Variants in ZBTB40 observed in about 807,000 individuals in gnomAD.
The protein encoded by ZBTB40 is zinc finger and BTB domain containing 40.
In ZBTB40, 60 loss-of-function variants were observed where a neutral mutation model predicts 117.5. The ratio of observed to expected loss-of-function variants is 0.51; its 90% CI spans 0.41 to 0.63. The LOEUF is 0.63. Ranked by LOEUF, ZBTB40 falls within the 30% of genes least tolerant of loss-of-function variation. The pLI is 0.00. For missense variants in ZBTB40, 1,287 were observed against 1,498.5 expected (o/e 0.86, Z 2.33); for synonymous variants, 525 against 577.1 (o/e 0.91, Z 1.29).
chr1:22,518,928 A>C (rs2124468507), intron 13 of ZBTB40, among the ~76,000 whole-genome samples: 1 of 152,310 alleles, frequency 6.6e-6, no homozygotes, highest in Non-Finnish European at 1.5e-5. Context: ...TTCAGAAGGG[A>C]GAAGACCCAG....
At chr1:22,523,266 T>A (rs923141401) in intron 16 of ZBTB40, among the ~76,000 whole-genome samples, 22 of 152,154 alleles carry the variant, frequency 1.4e-4, no homozygotes, top group Non-Finnish European at 2.8e-4. Flanking sequence ...GTACCATTTT[T>A]AAGGAACTAT....
At chr1:22,506,338 A>G (rs772227801) in intron 6 of ZBTB40, 97 bp downstream of exon 6, 139 of 1,183,078 alleles carry the variant, frequency 1.2e-4, no homozygotes, top group Non-Finnish European at 1.6e-4. Context: ...AGATAAGATT[A>G]TGTTAAGAAA....
At chr1:22,476,842 GTACTTAATAACATAA>G (rs981145014) in intron 1 of ZBTB40, among the ~76,000 whole-genome samples, 2 of 152,154 alleles carry the variant, frequency 1.3e-5, no homozygotes, top group Non-Finnish European at 2.9e-5. Context: ...ATTCAGTTAA[GTACTTAATAACATAA>G]TTTAGGTTCC....
At chr1:22,455,334 C>G (rs984840442) in intron 1 of ZBTB40, among the ~76,000 whole-genome samples, 27 of 152,130 alleles carry the variant, frequency 1.8e-4, no homozygotes, top group African/African-American at 6.3e-4. Context: ...GGCTTTTTGA[C>G]TAAGTAAAAA....
intron 10 of ZBTB40, 32 bp downstream of exon 10, chr1:22,511,379 C>T (rs1639227876): frequency 6.2e-7 from 1 of 1,611,828 alleles, no homozygotes; most frequent in African/African-American, 1.3e-5. Flanking sequence ...AAGGGGGTTC[C>T]TATCAGCACA....
chr1:22,512,830 C>T (rs1349544063), intron 11 of ZBTB40, 94 bp from the exon 12 acceptor site: 3 of 1,442,086 alleles, frequency 2.1e-6, no homozygotes, highest in Non-Finnish European at 2.9e-6. Flanking sequence ...CTCTGGAGGC[C>T]TGGGCTGAGA....
At chr1:22,483,421 A>C (rs1392935292) in intron 1 of ZBTB40, among the ~76,000 whole-genome samples, 3 of 152,204 alleles carry the variant, frequency 2.0e-5, no homozygotes, top group Non-Finnish European at 4.4e-5. Context: ...CATTGAATGA[A>C]AGTTCCTGTT....
intron 1 of ZBTB40, among the ~76,000 whole-genome samples, chr1:22,435,637 A>G (rs766612177): frequency 6.6e-6 from 1 of 152,176 alleles, no homozygotes; most frequent in Non-Finnish European, 1.5e-5. Flanking sequence ...TTTTAGGAGA[A>G]ATGCACCAGG....
At chr1:22,526,023 T>A (rs1243764600) in intron 17 of ZBTB40, among the ~76,000 whole-genome samples, 179 bp from the exon 18 acceptor site, 1 of 152,244 alleles carries the variant, frequency 6.6e-6, no homozygotes, top group Non-Finnish European at 1.5e-5. Context: ...AATTGTTTGC[T>A]GGCCTTCTCT....
intron 1 of ZBTB40, among the ~76,000 whole-genome samples, chr1:22,437,662 T>A (rs1014310882): frequency 4.6e-5 from 7 of 151,864 alleles, no homozygotes; most frequent in Non-Finnish European, 7.4e-5. Context: ...TCAGGTGATT[T>A]GCCCCTCTCA....
intron 12 of ZBTB40, among the ~76,000 whole-genome samples, chr1:22,514,083 T>G (rs987046660): frequency 2.6e-5 from 4 of 152,064 alleles, no homozygotes; most frequent in Admixed American, 2.6e-4. Context: ...CAATGCAGAT[T>G]GTCAGCGGTA....
chr1:22,517,412 C>G lies in ZBTB40; in HGVS notation c.2781C>G (p.Gly927=). 1 of 1,614,200 alleles carries G rather than the reference C, an allele frequency of 6.2e-7. No individual in the cohort carries two copies. Among genetic ancestry groups the G allele is most frequent in the Non-Finnish European group, 8.5e-7 (1 of 1,180,046 alleles). ...GDKPYVCRDC[G]KGFRQANGLS... ...AGCCCTATGTCTGCAGAGACTGTGG[C>G]AAGGGCTTCCGGCAAGCCAATGGCC... The change falls in exon 13 of 18, where the codon GGC becomes GGG. Residue 927 remains glycine, a synonymous_variant. Transcript: ENST00000375647.
In ZBTB40 at chr1:22,526,422, C is replaced by T; in HGVS notation, c.*26C>T. The T allele has an allele frequency of 6.2e-7, 1 of 1,612,998 alleles. No individual in the cohort carries two copies. The highest frequency in any genetic ancestry group is 8.5e-7 in the Non-Finnish European group (1 of 1,179,968). On this transcript the variant is annotated 3_prime_UTR_variant, in exon 18 of 18. Transcript: ENST00000375647. Reference sequence around the variant, plus strand: ...GCAGCCTTTCATCCGGCAGAGCCTTCCTGCGTTTGCAGCAGAGAGGAGGCC... The same window carrying T: ...GCAGCCTTTCATCCGGCAGAGCCTTTCTGCGTTTGCAGCAGAGAGGAGGCC...
chr1:22,515,629 C>T (rs1416168339), intron 12 of ZBTB40, among the ~76,000 whole-genome samples: 1 of 152,150 alleles, frequency 6.6e-6, no homozygotes, highest in Non-Finnish European at 1.5e-5. Context: ...ACTCTTCTTC[C>T]TCCCTCTTAT....
At chr1:22,485,436 C>T (rs969674535) in intron 1 of ZBTB40, among the ~76,000 whole-genome samples, 1 of 152,032 alleles carries the variant, frequency 6.6e-6, no homozygotes, top group African/African-American at 2.4e-5. Flanking sequence ...TCATAAATTA[C>T]CTTATATTTT....
chr1:22,503,341 G>A (rs1638993427), intron 5 of ZBTB40, among the ~76,000 whole-genome samples: 1 of 150,302 alleles, frequency 6.7e-6, no homozygotes, highest in Non-Finnish European at 1.5e-5. Context: ...TAAAACTGCT[G>A]GCATGACTTC....
At chr1:22,490,718 A>C in intron 2 of ZBTB40, 73 bp downstream of exon 2, 5 of 1,545,226 alleles carry the variant, frequency 3.2e-6, no homozygotes, top group South Asian at 2.3e-5. Context: ...TTGATTAATA[A>C]ATTTATCAAA....
intron 1 of ZBTB40, among the ~76,000 whole-genome samples, chr1:22,440,829 A>G (rs950421915): frequency 6.6e-6 from 1 of 152,124 alleles, no homozygotes; most frequent in African/African-American, 2.4e-5. Context: ...AGTAAATCTC[A>G]CTTGGTCATT....
upstream of ZBTB40, among the ~76,000 whole-genome samples, chr1:22,449,135 C>G (rs1640826205): frequency 6.6e-6 from 1 of 152,010 alleles, no homozygotes; most frequent in Admixed American, 6.6e-5. Context: ...CTTACTACGG[C>G]CAGGAACATG....
Sources: gnomAD v4.1 joint callset for allele counts (sites outside exome capture counted in the v4.1 genomes callset) on GRCh38, gnomAD v4.1.1 for gene constraint, MANE v1.5 for transcripts, NCBI Gene and HGNC (gene_info 2026-07-23, HGNC 2026-07-21) for gene names.